TRPM3: variants seen among roughly 807,000 people sequenced by gnomAD.
TRPM3 encodes long transient receptor potential channel 3.
TRPM3 carries 77 observed loss-of-function variants against 181.2 expected under a neutral mutation model. That is an observed-to-expected ratio of 0.42 (90% CI 0.35 to 0.51). The LOEUF is 0.51. TRPM3 is among the 20% of genes least tolerant of loss of function. The pLI is 0.01. For synonymous variants in TRPM3, 745 were observed against 796.4 expected, an observed-to-expected ratio of 0.94 and a Z score of 1.09; for missense variants, 1,759 against 2,196.7, an observed-to-expected ratio of 0.80 and a Z score of 3.98.
chr9:70,876,739 C>G (rs972710188), intron 1 of TRPM3, among the ~76,000 whole-genome samples: 8 of 151,892 alleles, frequency 5.3e-5, no homozygotes, highest in African/African-American at 1.9e-4. Context: ...ACAAGCTATG[C>G]TAATTTTAAA....
chr9:71,233,923 C>T (rs1183672492), intron 1 of TRPM3, among the ~76,000 whole-genome samples: 1 of 152,172 alleles, frequency 6.6e-6, no homozygotes, highest in Non-Finnish European at 1.5e-5. Context: ...GCTGAGGTCC[C>T]TTCCTTAATT....
rs149923165 is a variant in TRPM3, at chr9:71,372,980, C to T, written c.183+73673G>A. ...CAAGACTAAGATATTCACTCAAAAC[C>T]ACACAAATACATGGGAATTGAACAA... On this transcript the variant is annotated intron_variant, in intron 1 of 24. Coordinates refer to the TRPM3 transcript ENST00000357533. Among the ~76,000 whole-genome samples, 32 of 152,182 alleles carry T rather than the reference C, an allele frequency of 2.1e-4. No homozygotes were observed. The East Asian group carries it at 5.6e-3, about 27-fold the overall frequency.
chr9:71,252,085 G>A (rs901542972), intron 1 of TRPM3, among the ~76,000 whole-genome samples: 2 of 152,064 alleles, frequency 1.3e-5, no homozygotes, highest in Non-Finnish European at 2.9e-5. Flanking sequence ...TCATTCATGT[G>A]TTGATGGAGA....
At chr9:70,902,046 GGGGTCACATAGAATGTGA>G (rs1350606049) in intron 1 of TRPM3, among the ~76,000 whole-genome samples, 1 of 152,190 alleles carries the variant, frequency 6.6e-6, no homozygotes, top group Admixed American at 6.5e-5. Flanking sequence ...AGTTGGGGGT[GGGGTCACATAGAATGTGA>G]GGGTCAACCT....
At chr9:71,438,848 G>A (rs2094090072) in intron 1 of TRPM3, among the ~76,000 whole-genome samples, 1 of 152,130 alleles carries the variant, frequency 6.6e-6, no homozygotes, top group Non-Finnish European at 1.5e-5. Flanking sequence ...CTGGGTTACA[G>A]GTTTATTACA....
At chr9:70,820,702 A>G (rs2093086748) in intron 6 of TRPM3, among the ~76,000 whole-genome samples, 1 of 152,154 alleles carries the variant, frequency 6.6e-6, no homozygotes, top group Non-Finnish European at 1.5e-5. Flanking sequence ...TGACAGAATC[A>G]TATCTCGACT....
intron 1 of TRPM3, among the ~76,000 whole-genome samples, chr9:71,381,501 C>T (rs946832841): frequency 6.6e-6 from 1 of 152,086 alleles, no homozygotes; most frequent in African/African-American, 2.4e-5. Flanking sequence ...TAGGCAATTG[C>T]CAACTTCAAA....
At chr9:70,807,992 C>T (rs969476289) in intron 6 of TRPM3, among the ~76,000 whole-genome samples, 2 of 152,124 alleles carry the variant, frequency 1.3e-5, no homozygotes, top group African/African-American at 4.8e-5. Flanking sequence ...GACAAAACCA[C>T]ATCCAGTAGG....
At chr9:71,280,264 C>T (rs1214506743) in intron 1 of TRPM3, among the ~76,000 whole-genome samples, 2 of 152,094 alleles carry the variant, frequency 1.3e-5, no homozygotes, top group African/African-American at 4.8e-5. Context: ...TCACGTGAAC[C>T]ACTAAAATTT....
intron 1 of TRPM3, among the ~76,000 whole-genome samples, chr9:71,015,922 C>A (rs909100863): frequency 6.6e-6 from 1 of 151,904 alleles, no homozygotes; most frequent in African/African-American, 2.4e-5. Context: ...CTAGGCCGGG[C>A]ACGGTGGCTT....
intron 1 of TRPM3, among the ~76,000 whole-genome samples, chr9:71,037,449 A>G (rs2058340723): frequency 6.6e-6 from 1 of 152,260 alleles, no homozygotes; most frequent in South Asian, 2.1e-4. Flanking sequence ...GTGCTCCATG[A>G]ACATTTTTAT....
At chr9:71,283,398 G>A (rs891640431) in intron 1 of TRPM3, among the ~76,000 whole-genome samples, 3 of 152,076 alleles carry the variant, frequency 2.0e-5, no homozygotes, top group African/African-American at 4.8e-5. Context: ...CCGGGTTCAC[G>A]CCATTCTCCT....
At chr9:71,272,285 T>C (rs1327185366) in intron 1 of TRPM3, among the ~76,000 whole-genome samples, 2 of 152,204 alleles carry the variant, frequency 1.3e-5, no homozygotes, top group Non-Finnish European at 1.5e-5. Flanking sequence ...TAATTGCACA[T>C]AGGTCAATTT....
chr9:71,399,818 A>C (rs967727209), intron 1 of TRPM3, among the ~76,000 whole-genome samples: 1 of 152,196 alleles, frequency 6.6e-6, no homozygotes, highest in Non-Finnish European at 1.5e-5. Flanking sequence ...GGCGTGAGCC[A>C]CTGCGCCCAG....
intron 8 of TRPM3, among the ~76,000 whole-genome samples, chr9:70,688,413 A>G (rs2067556648): frequency 6.6e-6 from 1 of 152,190 alleles, no homozygotes; most frequent in Admixed American, 6.5e-5. Context: ...AGCAGTGTAC[A>G]TTGTACCCAA....
chr9:70,915,431 G>A (rs546855746), intron 1 of TRPM3, among the ~76,000 whole-genome samples: 1 of 150,996 alleles, frequency 6.6e-6, no homozygotes, highest in Non-Finnish European at 1.5e-5. Context: ...CCAAGTAGCT[G>A]GGACTACAGG....
chr9:71,270,466 A>G (rs989837744), intron 1 of TRPM3, among the ~76,000 whole-genome samples: 3 of 152,210 alleles, frequency 2.0e-5, no homozygotes, highest in Non-Finnish European at 4.4e-5. Context: ...CTCATCCTAT[A>G]TAACCCTCCT....
intron 6 of TRPM3, among the ~76,000 whole-genome samples, chr9:70,798,175 C>G (rs2131160908): frequency 6.6e-6 from 1 of 152,296 alleles, no homozygotes; most frequent in East Asian, 1.9e-4. Context: ...CAACATCAGC[C>G]TACAGAGTAG....
At chr9:71,139,155 TCAC>T (rs1345019185) in intron 1 of TRPM3, among the ~76,000 whole-genome samples, 1 of 152,172 alleles carries the variant, frequency 6.6e-6, no homozygotes. Flanking sequence ...CTGTCCTCAC[TCAC>T]CACAATTCAT....
Sources: allele counts gnomAD v4.1 joint callset (sites outside exome capture counted in the v4.1 genomes callset), GRCh38; gene constraint gnomAD v4.1.1; transcripts MANE v1.5; gene names NCBI Gene and HGNC (gene_info 2026-07-23, HGNC 2026-07-21).